The following TIAM1 variants were observed in gnomAD, a reference collection of about 807,000 sequenced individuals.
TIAM1 encodes rho guanine nucleotide exchange factor TIAM1.
A neutral mutation model predicts 163.5 loss-of-function variants in TIAM1; 65 were observed. The observed-to-expected ratio is 0.40, with a 90% CI of 0.33 to 0.49. TIAM1 has a LOEUF of 0.49. TIAM1 is among the 20% of genes least tolerant of loss of function. The pLI, the probability that TIAM1 is intolerant of heterozygous loss-of-function variation, is 0.77. For missense variants in TIAM1, 1,789 were observed against 2,044.7 expected (o/e 0.87, Z 2.41); for synonymous variants, 833 against 810.1 (o/e 1.03, Z -0.48).
intron 5 of TIAM1, among the ~76,000 whole-genome samples, chr21:31,250,168 A>AAAG (rs2071720363): frequency 6.8e-6 from 1 of 147,786 alleles, no homozygotes; most frequent in African/African-American, 2.7e-5. Flanking sequence ...AAAAAAAAAA[A>AAAG]AAAGAAAAAG....
chr21:31,177,433 C>A (rs761220004), intron 15 of TIAM1, among the ~76,000 whole-genome samples: 38 of 152,142 alleles, frequency 2.5e-4, no homozygotes, highest in Non-Finnish European at 4.9e-4. Context: ...ATGGTGAAAC[C>A]CTGTCTCTAC....
chr21:31,451,700 A>T (rs866568727), intron 2 of TIAM1, among the ~76,000 whole-genome samples: 3 of 43,900 alleles, frequency 6.8e-5, no homozygotes, highest in Non-Finnish European at 1.3e-4. Flanking sequence ...CACCAGGCTG[A>T]GTGAAAGCAT....
At chr21:31,226,811 A>G (rs2088003957) in intron 6 of TIAM1, among the ~76,000 whole-genome samples, 1 of 152,144 alleles carries the variant, frequency 6.6e-6, no homozygotes, top group Non-Finnish European at 1.5e-5. Flanking sequence ...CTCAAGAAAT[A>G]ATCTATTCAG....
At chr21:31,296,272 A>G (rs2074261188) in intron 2 of TIAM1, among the ~76,000 whole-genome samples, 1 of 152,196 alleles carries the variant, frequency 6.6e-6, no homozygotes. Flanking sequence ...AAATCCTGGT[A>G]TAGAAGAGAA....
At chr21:31,358,311 T>C (rs1273030321) in intron 2 of TIAM1, among the ~76,000 whole-genome samples, 1 of 152,172 alleles carries the variant, frequency 6.6e-6, no homozygotes, top group Non-Finnish European at 1.5e-5. Flanking sequence ...GCTTGCTTCC[T>C]CTTTCTTTTG....
chr21:31,259,154 G>C (rs1337370431), intron 4 of TIAM1, among the ~76,000 whole-genome samples: 1 of 146,796 alleles, frequency 6.8e-6, no homozygotes, highest in African/African-American at 2.5e-5. Context: ...TCTTTTTTGA[G>C]ACAGGGTCTC....
intron 2 of TIAM1, among the ~76,000 whole-genome samples, chr21:31,436,654 T>C (rs996151067): frequency 4.0e-5 from 6 of 150,938 alleles, no homozygotes; most frequent in Non-Finnish European, 5.9e-5. Context: ...AATAAATTAA[T>C]TAATTAATTT....
chr21:31,367,153 GGAGA>G (rs2076517923), intron 2 of TIAM1, among the ~76,000 whole-genome samples: 1 of 150,798 alleles, frequency 6.6e-6, no homozygotes, highest in African/African-American at 2.5e-5. Flanking sequence ...AGGGAGGGAG[GGAGA>G]GAGGAAAGGA....
chr21:31,179,774 T>G (rs887189779), intron 15 of TIAM1, among the ~76,000 whole-genome samples: 1 of 152,104 alleles, frequency 6.6e-6, no homozygotes, highest in African/African-American at 2.4e-5. Context: ...AAAATAGATA[T>G]ATATAAAATG....
At chr21:31,226,004 GA>G (rs1221334789) in intron 6 of TIAM1, 54 bp from the exon 7 acceptor site, 1 of 1,511,648 alleles carries the variant, frequency 6.6e-7, no homozygotes, top group Non-Finnish European at 9.1e-7. Flanking sequence ...GAACTTAAGA[GA>G]AATGAACCGG....
intron 2 of TIAM1, among the ~76,000 whole-genome samples, chr21:31,425,634 C>CCTCCCTCT (rs1208228728): frequency 4.5e-5 from 6 of 132,534 alleles, no homozygotes; most frequent in Non-Finnish European, 9.1e-5. Flanking sequence ...TCCCTCCCTC[C>CCTCCCTCT]CTCCCTCTCT....
At chr21:31,538,686 A>C (rs2048218640) in intron 1 of TIAM1, among the ~76,000 whole-genome samples, 1 of 152,224 alleles carries the variant, frequency 6.6e-6, no homozygotes, top group South Asian at 2.1e-4. Context: ...TTTCCAAAAG[A>C]AATATGGACA....
intron 2 of TIAM1, among the ~76,000 whole-genome samples, chr21:31,357,414 T>G (rs12483233): frequency 0.019 from 2,934 of 152,234 alleles, 32 homozygotes; most frequent in African/African-American, 0.033. Context: ...CTATATATAT[T>G]CTCTGGTGAT....
At chr21:31,179,579 A>C (rs1206635495) in intron 15 of TIAM1, among the ~76,000 whole-genome samples, 1 of 151,028 alleles carries the variant, frequency 6.6e-6, no homozygotes, top group East Asian at 1.9e-4. Context: ...AGATGATCCC[A>C]AAATTGCAGT....
At chr21:31,339,103 C>T (rs1303480409) in intron 2 of TIAM1, 140 bp downstream of exon 2, 2 of 370,344 alleles carry the variant, frequency 5.4e-6, no homozygotes, top group African/African-American at 4.2e-5. Context: ...ACTCAGCAAC[C>T]CTTTAACCAC....
intron 1 of TIAM1, among the ~76,000 whole-genome samples, chr21:31,509,210 G>T (rs765507318): frequency 3.3e-5 from 5 of 152,160 alleles, no homozygotes; most frequent in African/African-American, 4.8e-5. Context: ...TGCTGAGACT[G>T]GGAGGTCACC....
At chr21:31,191,278 C>G (rs917684070) in intron 13 of TIAM1, among the ~76,000 whole-genome samples, 6 of 152,110 alleles carry the variant, frequency 3.9e-5, no homozygotes, top group African/African-American at 1.4e-4. Context: ...TCTCCTGCCT[C>G]CCGAGTACCT....
intron 6 of TIAM1, among the ~76,000 whole-genome samples, chr21:31,233,249 G>A (rs936099040): frequency 6.6e-6 from 1 of 151,954 alleles, no homozygotes; most frequent in East Asian, 1.9e-4. Context: ...TAGGTCAAAC[G>A]CTTTCATTTT....
intron 2 of TIAM1, among the ~76,000 whole-genome samples, chr21:31,357,735 T>G (rs185156532): frequency 3.9e-5 from 6 of 152,372 alleles, no homozygotes; most frequent in Non-Finnish European, 8.8e-5. Context: ...AACCACGTGC[T>G]GTTCTCAAGG....
Sources: gnomAD v4.1 joint callset for allele counts (sites outside exome capture counted in the v4.1 genomes callset) on GRCh38, gnomAD v4.1.1 for gene constraint, MANE v1.5 for transcripts, NCBI Gene and HGNC (gene_info 2026-07-23, HGNC 2026-07-21) for gene names.